Variants in TNKS observed in about 807,000 individuals in gnomAD.
TNKS encodes the protein poly [ADP-ribose] polymerase tankyrase-1.
In TNKS, 72 loss-of-function variants were observed where a neutral mutation model predicts 135.8. The observed-to-expected ratio is 0.53, with a 90% confidence interval of 0.44 to 0.64. The LOEUF is 0.64. Ranked by LOEUF, TNKS falls within the 30% of genes least tolerant of loss-of-function variation. The pLI is 0.00. For missense variants in TNKS, 1,769 were observed against 1,674.0 expected (o/e 1.06, Z -0.99); for synonymous variants, 849 against 649.3 (o/e 1.31, Z -4.68).
At chr8:9,688,704 A>G (rs1183415912) in intron 5 of TNKS, among the ~76,000 whole-genome samples, 2 of 152,156 alleles carry the variant, frequency 1.3e-5, no homozygotes, top group African/African-American at 2.4e-5. Flanking sequence ...CAGTGGCACA[A>G]TCTCAGCTCA....
chr8:9,614,801 A>G (rs1456145290), intron 2 of TNKS, among the ~76,000 whole-genome samples: 2 of 152,182 alleles, frequency 1.3e-5, no homozygotes, highest in Non-Finnish European at 2.9e-5. Flanking sequence ...ACCACATACC[A>G]GATGTGGCTG....
chr8:9,630,603 C>T (rs1800253801), intron 3 of TNKS, among the ~76,000 whole-genome samples: 1 of 152,154 alleles, frequency 6.6e-6, no homozygotes, highest in African/African-American at 2.4e-5. Flanking sequence ...GAAAACACTT[C>T]TTATTTATAA....
chr8:9,729,705 C>T (rs1805332128), intron 13 of TNKS, among the ~76,000 whole-genome samples: 1 of 151,902 alleles, frequency 6.6e-6, no homozygotes, highest in East Asian at 1.9e-4. Context: ...TAATCTCCAT[C>T]CCTGGTTTGT....
chr8:9,556,459 A>G lies in TNKS; in HGVS notation c.520A>G (p.Thr174Ala), dbSNP rs34534956. Residue 174 changes from threonine (T) to alanine (A), a missense_variant, in exon 1 of 27, where the codon ACA becomes GCA. Physicochemically the swap from Thr to Ala is moderately conservative, Grantham distance 58 (BLOSUM62 0). This residue lies in a region of TNKS where 450 missense variants were observed against 304.9 expected (regional missense o/e 1.48). Transcript: ENST00000310430. ...GGGGCCTGGGGCAGCAGGACCTGGG[A>G]CAGGGGTCCCAGCAGTGAGCGGGGC... ...PLGPGAAGPG[T>A]GVPAVSGALR... is the part of the protein sequence containing the mutation. 5.6e-6 allele frequency: 9 copies of G among 1,613,964 alleles called. No individual in the cohort carries two copies. In the African/African-American group the frequency reaches 6.7e-5, roughly 12 times the overall value.
chr8:9,720,489 T>C lies in TNKS; in HGVS notation c.1865T>C (p.Leu622Ser). The C allele has an allele frequency of 6.2e-7, 1 of 1,614,148 alleles. No homozygotes were observed. Among genetic ancestry groups the C allele is most frequent in the Non-Finnish European group, 8.5e-7 (1 of 1,180,008 alleles). The change falls in exon 12 of 27, where the codon TTA becomes TCA. Residue 622 changes from leucine to serine, a missense_variant. Transcript: ENST00000310430. The part of the protein sequence containing the change: ...SYGSDPSIIS[L>S]QGFTAAQMGN... ...GGCTCTGACCCCTCCATCATCTCCTTACAAGGCTTCACAGCAGCACAGATG... is the reference window on the plus strand; with the variant it reads ...GGCTCTGACCCCTCCATCATCTCCTCACAAGGCTTCACAGCAGCACAGATG...
At chr8:9,587,819 G>A (rs574695115) in intron 2 of TNKS, among the ~76,000 whole-genome samples, 3 of 152,106 alleles carry the variant, frequency 2.0e-5, no homozygotes, top group Non-Finnish European at 4.4e-5. Flanking sequence ...AATTTGTTAC[G>A]GCAGCAATAG....
At chr8:9,710,398 T>A (rs961470920) in intron 11 of TNKS, 178 bp downstream of exon 11, 8 of 629,654 alleles carry the variant, frequency 1.3e-5, no homozygotes, top group Non-Finnish European at 2.2e-5. Context: ...CTAATAAAAA[T>A]AATTACCCGT....
intron 2 of TNKS, among the ~76,000 whole-genome samples, chr8:9,590,249 C>G (rs1341299603): frequency 2.6e-5 from 4 of 152,140 alleles, no homozygotes. Flanking sequence ...CTCCCTTTCT[C>G]TCCACCTTCC....
chr8:9,630,183 G>T lies in TNKS; in HGVS notation c.994+14506G>T, dbSNP rs1302242486. 2.6e-5 allele frequency among the ~76,000 whole-genome samples: 4 copies of T among 152,108 alleles called. No individual in the cohort carries two copies. The East Asian group carries it at 7.7e-4, about 29-fold the overall frequency. ...ATTCCCACCCCTGACTTTCAGTACTGGCTTCATAACAAGTCGATTTTTTTC... is the reference window on the plus strand; with the variant it reads ...ATTCCCACCCCTGACTTTCAGTACTTGCTTCATAACAAGTCGATTTTTTTC... On this transcript the variant is annotated intron_variant, in intron 3 of 26. Coordinates refer to ENST00000310430, the MANE Select transcript of TNKS (RefSeq NM_003747.3).
intron 5 of TNKS, among the ~76,000 whole-genome samples, chr8:9,690,721 A>G (rs1384053217): frequency 6.6e-6 from 1 of 151,594 alleles, no homozygotes; most frequent in Non-Finnish European, 1.5e-5. Context: ...TAAATAAATA[A>G]TGTTTACTAT....
rs545089615 is a variant in TNKS, at chr8:9,574,946, G to A, written c.674-5213G>A. 2.1e-4 allele frequency: 150 copies of A among 717,020 alleles called. 2 individuals are homozygous for A. The South Asian group carries it at 8.2e-3, about 39-fold the overall frequency. The allele number at this position is 717,020 out of a possible 1,614,324, so 44.4% of individuals were successfully genotyped here. On this transcript the variant is annotated intron_variant, in intron 1 of 26. Coordinates refer to ENST00000310430, the MANE Select transcript of TNKS (RefSeq NM_003747.3). ...AGGCTTAGAAATATAGCACTCTTGT[G>A]ACTGTGAGGTAAGAAGCAAGTGGAG...
At chr8:9,672,187 T>G (rs1230398667) in intron 3 of TNKS, among the ~76,000 whole-genome samples, 1 of 152,238 alleles carries the variant, frequency 6.6e-6, no homozygotes, top group African/African-American at 2.4e-5. Context: ...AATCTCTTAC[T>G]ATGCCTAGTT....
At chr8:9,767,891 G>A (rs1049550876) in intron 25 of TNKS, among the ~76,000 whole-genome samples, 5 of 151,254 alleles carry the variant, frequency 3.3e-5, no homozygotes, top group East Asian at 1.9e-4. Flanking sequence ...CCCAGGAGGC[G>A]GAGGTTGCAG....
intron 5 of TNKS, among the ~76,000 whole-genome samples, chr8:9,696,130 A>G (rs1803505603): frequency 6.6e-6 from 1 of 152,176 alleles, no homozygotes; most frequent in African/African-American, 2.4e-5. Flanking sequence ...TTGTCAGTTC[A>G]TGGGTGCTAT....
intron 3 of TNKS, 83 bp downstream of exon 3, chr8:9,615,760 T>G: frequency 4.5e-6 from 5 of 1,115,564 alleles, no homozygotes; most frequent in Non-Finnish European, 5.2e-6. Context: ...GCTGAATTTT[T>G]CTTTTCACTG....
intron 25 of TNKS, among the ~76,000 whole-genome samples, chr8:9,768,779 T>C (rs1233421399): frequency 6.6e-6 from 1 of 152,194 alleles, no homozygotes. Context: ...CTCCTTCTGA[T>C]GGAGAGCAAA....
chr8:9,560,770 C>T (rs1797297190), intron 1 of TNKS, among the ~76,000 whole-genome samples: 1 of 151,778 alleles, frequency 6.6e-6, no homozygotes, highest in Non-Finnish European at 1.5e-5. Flanking sequence ...TAAATATCTT[C>T]CCAGACTTAA....
At chr8:9,568,475 A>C (rs1340743735) in intron 1 of TNKS, among the ~76,000 whole-genome samples, 1 of 152,210 alleles carries the variant, frequency 6.6e-6, no homozygotes, top group Non-Finnish European at 1.5e-5. Flanking sequence ...GACTTACCGT[A>C]TGAAAAATTT....
intron 5 of TNKS, among the ~76,000 whole-genome samples, chr8:9,690,698 G>GTAAATAAA (rs111694196): frequency 1.3e-5 from 2 of 151,812 alleles, no homozygotes; most frequent in African/African-American, 4.8e-5. Flanking sequence ...ATGTAAGTAA[G>GTAAATAAA]TAAATAAATA....
Sources: gnomAD v4.1 joint callset for allele counts (sites outside exome capture counted in the v4.1 genomes callset) on GRCh38, gnomAD v4.1.1 for gene constraint, gnomAD v4.1.1 regional missense constraint, MANE v1.5 for transcripts, NCBI Gene and HGNC (gene_info 2026-07-23, HGNC 2026-07-21) for gene names.